Variants in TSHZ2 observed in about 807,000 individuals in gnomAD.
TSHZ2 encodes teashirt zinc finger homeobox 2.
A neutral mutation model predicts 74.4 loss-of-function variants in TSHZ2; 21 were observed. That is an observed-to-expected ratio of 0.28 (90% CI 0.20 to 0.41). The LOEUF (loss-of-function observed/expected upper bound fraction) is 0.41. Ranked by LOEUF, TSHZ2 falls within the 10% of genes least tolerant of loss-of-function variation. The pLI is 1.00. For missense variants in TSHZ2, 1,244 were observed against 1,293.5 expected (o/e 0.96, Z 0.59); for synonymous variants, 540 against 515.3 (o/e 1.05, Z -0.65).
At chr20:53,115,641 G>A (rs1005029260) in intron 1 of TSHZ2, among the ~76,000 whole-genome samples, 1 of 152,134 alleles carries the variant, frequency 6.6e-6, no homozygotes, top group African/African-American at 2.4e-5. Context: ...ATGACACAGA[G>A]CAAAGGAATT....
intron 2 of TSHZ2, among the ~76,000 whole-genome samples, chr20:53,364,963 G>A (rs754198973): frequency 1.3e-4 from 20 of 152,218 alleles, no homozygotes; most frequent in African/African-American, 2.2e-4. Context: ...CTTGTAACGC[G>A]TGGAGGCACT....
intron 2 of TSHZ2, chr20:53,452,948 C>T (rs956713448): frequency 6.6e-6 from 1 of 152,114 alleles, no homozygotes; most frequent in East Asian, 1.9e-4. Flanking sequence ...GTAATTTTGT[C>T]GAGCTTCTGG....
chr20:53,441,956 A>G (rs547514655), intron 2 of TSHZ2, among the ~76,000 whole-genome samples: 1 of 152,282 alleles, frequency 6.6e-6, no homozygotes, highest in African/African-American at 2.4e-5. Context: ...TGCAAGCCGA[A>G]TTTGACCTAT....
intron 2 of TSHZ2, among the ~76,000 whole-genome samples, chr20:53,435,513 A>T (rs897784903): frequency 7.2e-5 from 11 of 152,138 alleles, no homozygotes; most frequent in Non-Finnish European, 1.0e-4. Flanking sequence ...AACTTTTTTT[A>T]AATTAATTTA....
Position 53,438,373 on chromosome 20 carries a change from T to G in TSHZ2, c.*9-48771T>G, listed in dbSNP as rs556900903. The stretch of plus-strand genomic sequence containing the variant: ...AATACCCAAGTGCTAGGATTACAGG[T>G]GTGAGCCACCAAGCCCAGCCTGCAA... On this transcript the variant is annotated intron_variant, in intron 2 of 2. Transcript: ENST00000371497. Among the ~76,000 whole-genome samples the G allele has an allele frequency of 6.6e-5, 10 of 152,208 alleles. No homozygotes were observed. The East Asian group carries it at 9.7e-4, about 15-fold the overall frequency.
intron 1 of TSHZ2, among the ~76,000 whole-genome samples, chr20:53,243,552 G>C (rs1417868190): frequency 6.6e-6 from 1 of 152,194 alleles, no homozygotes; most frequent in Non-Finnish European, 1.5e-5. Context: ...TAGCAGGCTA[G>C]TAACAATGAC....
At chr20:53,479,010 C>A (rs1271372162) in intron 2 of TSHZ2, among the ~76,000 whole-genome samples, 2 of 151,888 alleles carry the variant, frequency 1.3e-5, no homozygotes, top group Non-Finnish European at 2.9e-5. Flanking sequence ...ACTAAAAATA[C>A]AAAAATTAGC....
At chr20:53,462,781 T>A (rs781365552) in intron 2 of TSHZ2, among the ~76,000 whole-genome samples, 9 of 152,164 alleles carry the variant, frequency 5.9e-5, no homozygotes, top group Non-Finnish European at 1.3e-4. Flanking sequence ...GAACACATGC[T>A]TGGAAGCTTC....
intron 1 of TSHZ2, among the ~76,000 whole-genome samples, chr20:53,125,807 A>G (rs549900931): frequency 3.3e-4 from 50 of 152,374 alleles, no homozygotes; most frequent in African/African-American, 1.1e-3. Context: ...AACCAAATCT[A>G]TCAGTGGGCT....
At chr20:53,146,924 T>C (rs1397333342) in intron 1 of TSHZ2, among the ~76,000 whole-genome samples, 2 of 152,194 alleles carry the variant, frequency 1.3e-5, no homozygotes, top group African/African-American at 2.4e-5. Context: ...AACAACCACC[T>C]GAACCATTGA....
intron 1 of TSHZ2, among the ~76,000 whole-genome samples, chr20:53,011,432 A>G (rs1982846460): frequency 6.6e-6 from 1 of 152,256 alleles, no homozygotes; most frequent in African/African-American, 2.4e-5. Flanking sequence ...TAACAGGACC[A>G]ACAGTGTTCA....
At chr20:53,461,240 C>G (rs372398618) in intron 2 of TSHZ2, among the ~76,000 whole-genome samples, 302 of 151,512 alleles carry the variant, frequency 2.0e-3, no homozygotes, top group South Asian at 5.9e-3. Context: ...ATATAATCTC[C>G]TGGTGCGCCG....
At chr20:53,044,980 C>T (rs1186000781) in intron 1 of TSHZ2, among the ~76,000 whole-genome samples, 3 of 152,156 alleles carry the variant, frequency 2.0e-5, no homozygotes, top group Admixed American at 1.3e-4. Flanking sequence ...ATTACAGGTG[C>T]AAGCCACTGC....
At chr20:53,216,384 C>T (rs1172492382) in intron 1 of TSHZ2, among the ~76,000 whole-genome samples, 2 of 152,068 alleles carry the variant, frequency 1.3e-5, no homozygotes, top group African/African-American at 2.4e-5. Context: ...ACTGGGGTGG[C>T]GGAATCCCTG....
At chr20:53,000,088 T>C (rs1982356583) in intron 1 of TSHZ2, among the ~76,000 whole-genome samples, 1 of 152,230 alleles carries the variant, frequency 6.6e-6, no homozygotes, top group African/African-American at 2.4e-5. Flanking sequence ...TCACTCACCA[T>C]TATAGACATT....
At position 53,493,057 on chromosome 20, in the gene TSHZ2, C is replaced by G. The variant is rs763347909; in HGVS notation, c.*5922C>G. The G allele has an allele frequency of 3.3e-5, 5 of 152,212 alleles. No homozygotes were observed. The highest frequency in any genetic ancestry group is 7.3e-5 in the Non-Finnish European group (5 of 68,036). 9.4% of individuals were successfully genotyped at this position (152,212 alleles called of 1,614,324 possible). On this transcript the variant is annotated 3_prime_UTR_variant, in exon 3 of 3. Transcript: ENST00000371497. ...CAGGCTGTTTTCCCTGAGTACAATG[C>G]AGCTTGGATGGCTGGGAGCGTAAGC... is the stretch of plus-strand genomic sequence containing the variant.
intron 1 of TSHZ2, among the ~76,000 whole-genome samples, chr20:53,027,965 A>G (rs1394353853): frequency 1.3e-5 from 2 of 152,314 alleles, no homozygotes; most frequent in East Asian, 3.9e-4. Flanking sequence ...AGTCAGGGGA[A>G]AAGTGGGGCA....
intron 2 of TSHZ2, among the ~76,000 whole-genome samples, chr20:53,271,048 A>T (rs111980722): frequency 1.3e-5 from 2 of 152,218 alleles, no homozygotes; most frequent in African/African-American, 4.8e-5. Context: ...CAAAGAGCCA[A>T]TCAGGACCTC....
intron 1 of TSHZ2, among the ~76,000 whole-genome samples, chr20:53,081,224 G>GT (rs1406387395): frequency 2.0e-5 from 3 of 151,946 alleles, no homozygotes; most frequent in Admixed American, 1.3e-4. Context: ...TAAAGATGAG[G>GT]TCTCGCTATG....
Sources: allele counts gnomAD v4.1 joint callset (sites outside exome capture counted in the v4.1 genomes callset), GRCh38; gene constraint gnomAD v4.1.1; transcripts MANE v1.5; gene names NCBI Gene and HGNC (gene_info 2026-07-23, HGNC 2026-07-21).